The following OXTR variants were observed in gnomAD, a reference collection of about 807,000 sequenced individuals.
The protein encoded by OXTR is oxytocin receptor.
In OXTR, 19 loss-of-function variants were observed where a neutral mutation model predicts 23.9. That is an observed-to-expected ratio of 0.80 (90% CI 0.56 to 1.17). The LOEUF is 1.17. Among genes scored for constraint, OXTR ranks in the 50% most tolerant of loss-of-function variants. OXTR has a pLI of 0.00. For missense variants in OXTR, 500 were observed against 550.7 expected (o/e 0.91, Z 0.92); for synonymous variants, 278 against 250.5 (o/e 1.11, Z -1.04).
At chr3:8,744,215 A>C in the OXTR span, among the ~76,000 whole-genome samples, 1 of 151,840 alleles carries the variant, frequency 6.6e-6, no homozygotes, top group Non-Finnish European at 1.5e-5. Flanking sequence ...GGTAACAACC[A>C]TGGGGAGACC....
chr3:8,747,944 A>G (rs1229386109), downstream of OXTR, among the ~76,000 whole-genome samples: 1 of 152,214 alleles, frequency 6.6e-6, no homozygotes, highest in East Asian at 1.9e-4. Context: ...ATTAGCCACA[A>G]AGTTCACAGA....
chr3:8,765,011 A>T (rs1559676985), intron 3 of OXTR, among the ~76,000 whole-genome samples: 1 of 152,236 alleles, frequency 6.6e-6, no homozygotes, highest in East Asian at 1.9e-4. Flanking sequence ...CTTGGGCTTC[A>T]GCAGGAGCCC....
chr3:8,763,896 A>T (rs1314626385), intron 3 of OXTR, among the ~76,000 whole-genome samples: 1 of 152,140 alleles, frequency 6.6e-6, no homozygotes, highest in Non-Finnish European at 1.5e-5. Flanking sequence ...TATTACTATT[A>T]TTGTAATAGT....
downstream of OXTR, chr3:8,745,479 AGCGGGTGGCTTCTGTG>A (rs1398918864): frequency 8.7e-7 from 1 of 1,146,656 alleles, no homozygotes; most frequent in Middle Eastern, 2.0e-4. The surrounding 1 kb of genome is among the most constrained non-coding windows in gnomAD (Gnocchi z 4.8). Flanking sequence ...AAGCTTGAGA[AGCGGGTGGCTTCTGTG>A]AGTTGAGGCT....
the OXTR span, chr3:8,742,658 G>A: frequency 2.5e-6 from 1 of 404,860 alleles, no homozygotes; most frequent in African/African-American, 2.0e-5. Context: ...GCCAGGCATT[G>A]TGCTAAGCAC....
intron 3 of OXTR, among the ~76,000 whole-genome samples, chr3:8,763,285 C>T (rs1263014537): frequency 1.3e-5 from 2 of 152,168 alleles, no homozygotes; most frequent in Non-Finnish European, 2.9e-5. Flanking sequence ...ATTTAATCCT[C>T]ACATCAACCC....
chr3:8,753,714 G>C (rs1194719181), intron 3 of OXTR, among the ~76,000 whole-genome samples: 6 of 152,196 alleles, frequency 3.9e-5, no homozygotes, highest in Non-Finnish European at 7.3e-5. Context: ...CATAAGGAGA[G>C]TGCCCAAACC....
chr3:8,745,155 T>TA, the OXTR span: 4 of 256,092 alleles, frequency 1.6e-5, no homozygotes, highest in African/African-American at 8.9e-5. This position sits in a 1 kb window ranked among gnomAD's most constrained non-coding sequence, Gnocchi z 4.8. Context: ...CTGGTTGTTG[T>TA]AAAGTGTGGC....
Position 8,753,136 on chromosome 3 carries a change from G to T in OXTR, c.1011C>A (p.Phe337Leu), listed in dbSNP as rs1284089041. 6.2e-7 allele frequency: 1 copy of T among 1,614,174 alleles called. No individual in the cohort carries two copies. The highest frequency in any genetic ancestry group is 1.7e-5 in the Admixed American group (1 of 60,028). Residue 337 changes from phenylalanine to leucine, a missense_variant, in exon 4 of 4, where the codon TTC becomes TTA. Coordinates refer to ENST00000316793, the MANE Select transcript of OXTR (RefSeq NM_000916.4). ...WIYMLFTGHL[F>L]HELVQRFLCC... ...ACAGGAAGCGCTGCACGAGTTCGTGGAAGAGGTGGCCCGTGAACAGCATGT... is the reference window on the plus strand; with the variant it reads ...ACAGGAAGCGCTGCACGAGTTCGTGTAAGAGGTGGCCCGTGAACAGCATGT...
At chr3:8,756,637 G>A (rs2124998082) in intron 3 of OXTR, among the ~76,000 whole-genome samples, 1 of 152,338 alleles carries the variant, frequency 6.6e-6, no homozygotes, top group East Asian at 1.9e-4. Flanking sequence ...TGACGCTGTG[G>A]ATGCTGTGGT....
In OXTR at chr3:8,752,845, G is replaced by A; in HGVS notation, c.*132C>T. On this transcript the variant is annotated 3_prime_UTR_variant, in exon 4 of 4. Transcript: ENST00000316793. ...GGAGGCCACTCTCCACCCCACTGAA[G>A]CCACCCCAAGGAGGGGAGGGATACA... 1 of 993,758 alleles carries A rather than the reference G, an allele frequency of 1.0e-6. No homozygotes were observed. The highest frequency in any genetic ancestry group is 1.4e-6 in the Non-Finnish European group (1 of 696,384). The allele number at this position is 993,758 out of a possible 1,614,324, so 61.6% of individuals were successfully genotyped here.
Position 8,752,824 on chromosome 3 carries a change from G to A in OXTR, c.*153C>T. ...TCCCCTATCATCTTCCATCATGGAG[G>A]CCACTCTCCACCCCACTGAAGCCAC... On this transcript the variant is annotated 3_prime_UTR_variant, in exon 4 of 4. Transcript: ENST00000316793. 1 of 734,636 alleles carries A rather than the reference G, an allele frequency of 1.4e-6. No homozygotes were observed. The highest frequency in any genetic ancestry group is 1.9e-5 in the South Asian group (1 of 52,474). The allele number at this position is 734,636 out of a possible 1,614,324, so 45.5% of individuals were successfully genotyped here. A position where few individuals can be genotyped will look rare whatever the true frequency, so the allele number is the denominator to read the frequency against.
Position 8,768,415 on chromosome 3 carries a change from C to A in OXTR, c.-143+81G>T. ...GCGTGCTTGTCCCATTCCCAGGAAC[C>A]CAACTCATCTGAAACAACAGGGCAC... On this transcript the variant is annotated intron_variant, in intron 2 of 3. Transcript: ENST00000316793. The surrounding 1 kb of genome is among the most constrained non-coding windows in gnomAD (Gnocchi z 5.4). 1 of 625,374 alleles carries A rather than the reference C, an allele frequency of 1.6e-6. No individual in the cohort carries two copies. The highest frequency in any genetic ancestry group is 2.2e-6 in the Non-Finnish European group (1 of 445,340). 38.7% of individuals were successfully genotyped at this position (625,374 alleles called of 1,614,324 possible).
At chr3:8,745,465 C>A, downstream of OXTR, 2 of 1,374,860 alleles carry the variant, frequency 1.5e-6, no homozygotes, top group African/African-American at 1.4e-5. The surrounding 1 kb of genome is among the most constrained non-coding windows in gnomAD (Gnocchi z 4.8). Flanking sequence ...ACGCACACAC[C>A]CAAAAGCTTG....
intron 3 of OXTR, among the ~76,000 whole-genome samples, chr3:8,761,136 G>C (rs1344485913): frequency 6.6e-6 from 1 of 152,202 alleles, no homozygotes; most frequent in Non-Finnish European, 1.5e-5. Flanking sequence ...AGCCTAAAAT[G>C]TCAATAGTGC....
chr3:8,765,593 T>C (rs979564404), intron 3 of OXTR, among the ~76,000 whole-genome samples: 1 of 152,248 alleles, frequency 6.6e-6, no homozygotes, highest in East Asian at 1.9e-4. Context: ...ATAGTTGGTG[T>C]TCGAGCTCCT....
chr3:8,746,512 A>T (rs11476), downstream of OXTR: 63,139 of 151,820 alleles, frequency 0.42, 13,447 homozygotes, highest in Admixed American at 0.44. Flanking sequence ...CTGAGCACAA[A>T]AATGGGCACC....
intron 3 of OXTR, among the ~76,000 whole-genome samples, chr3:8,757,443 A>C (rs1217746373): frequency 1.3e-5 from 2 of 151,626 alleles, no homozygotes; most frequent in Non-Finnish European, 1.5e-5. Flanking sequence ...AAAAAAAAAA[A>C]CAAAAAACAA....
intron 3 of OXTR, among the ~76,000 whole-genome samples, chr3:8,763,417 G>C (rs1209809611): frequency 6.6e-6 from 1 of 152,156 alleles, no homozygotes; most frequent in Admixed American, 6.5e-5. Context: ...GGAAGGAGAA[G>C]ACTAGAGACA....
Sources: allele counts gnomAD v4.1 joint callset (sites outside exome capture counted in the v4.1 genomes callset), GRCh38; gene constraint gnomAD v4.1.1; non-coding constraint Gnocchi (gnomAD v3.1); transcripts MANE v1.5; gene names NCBI Gene and HGNC (gene_info 2026-07-23, HGNC 2026-07-21).